Variants in PATJ observed in about 807,000 individuals in gnomAD.
PATJ encodes PATJ crumbs cell polarity complex component, also known as inaD-like protein.
PATJ carries 190 observed loss-of-function variants against 224.9 expected under a neutral mutation model. That is an observed-to-expected ratio of 0.84 (90% confidence interval 0.75 to 0.95). The LOEUF (loss-of-function observed/expected upper bound fraction) is 0.95, where lower values mean the gene tolerates loss of function less well. PATJ is among the 40% of genes least tolerant of loss of function. PATJ has a pLI of 0.00. For synonymous variants in PATJ, 769 were observed against 820.3 expected (o/e 0.94, Z 1.07); for missense variants, 2,121 against 2,270.3 (o/e 0.93, Z 1.34).
intron 17 of PATJ, among the ~76,000 whole-genome samples, chr1:61,854,599 T>A (rs1232871847): frequency 2.6e-5 from 4 of 152,212 alleles, no homozygotes; most frequent in African/African-American, 9.6e-5. Context: ...GGCTGCCTGG[T>A]TGGATTCTGG....
chr1:61,838,360 CT>C (rs1286421381), intron 17 of PATJ, among the ~76,000 whole-genome samples: 149 of 142,756 alleles, frequency 1.0e-3, no homozygotes, highest in Admixed American at 1.4e-3. Flanking sequence ...TACTCTGTTT[CT>C]TTTTTTTTTT....
chr1:62,074,347 TAAAGTA>T (rs1657944400), intron 31 of PATJ, among the ~76,000 whole-genome samples: 1 of 151,644 alleles, frequency 6.6e-6, no homozygotes. Context: ...CCCTAAAACT[TAAAGTA>T]TAATAATAAT....
At chr1:61,884,166 A>G (rs946254266) in intron 21 of PATJ, 71 bp from the exon 22 acceptor site, 1 of 1,190,344 alleles carries the variant, frequency 8.4e-7, no homozygotes, top group Non-Finnish European at 1.2e-6. Context: ...AGGTGCCCAT[A>G]CCTAGTTGTT....
intron 33 of PATJ, among the ~76,000 whole-genome samples, chr1:62,090,754 C>T (rs949732455): frequency 2.6e-5 from 4 of 152,164 alleles, no homozygotes; most frequent in Non-Finnish European, 5.9e-5. Context: ...AGAACTCATC[C>T]TACTCTGTCA....
At chr1:61,925,378 T>C (rs1234650925) in intron 26 of PATJ, among the ~76,000 whole-genome samples, 1 of 152,052 alleles carries the variant, frequency 6.6e-6, no homozygotes, top group Non-Finnish European at 1.5e-5. Context: ...TCCCAACAAA[T>C]AACTCTAAAT....
chr1:61,986,628 C>G (rs1043597940), intron 27 of PATJ, among the ~76,000 whole-genome samples: 10 of 151,790 alleles, frequency 6.6e-5, no homozygotes, highest in Non-Finnish European at 1.3e-4. Flanking sequence ...GCTATGTTGC[C>G]CAGGCTTGTC....
At chr1:62,056,527 C>CA (rs919603025) in intron 31 of PATJ, among the ~76,000 whole-genome samples, 27 of 147,950 alleles carry the variant, frequency 1.8e-4, no homozygotes, top group African/African-American at 5.2e-4. Flanking sequence ...GACCTTATCT[C>CA]AAAAAAAAAA....
intron 14 of PATJ, among the ~76,000 whole-genome samples, chr1:61,819,843 T>C (rs943019388): frequency 1.1e-4 from 16 of 152,254 alleles, no homozygotes; most frequent in African/African-American, 3.9e-4. Context: ...ACCAAGCACT[T>C]CATGTGTCTC....
rs1417916384 is a variant in PATJ, at chr1:62,162,221, C to T, written c.*1167C>T. The T allele has an allele frequency of 6.6e-6, 1 of 152,182 alleles. No homozygotes were observed. Among genetic ancestry groups the T allele is most frequent in the Non-Finnish European group, 1.5e-5 (1 of 68,046 alleles). The allele number at this position is 152,182 out of a possible 1,614,324, so 9.4% of individuals were successfully genotyped here. On this transcript the variant is annotated 3_prime_UTR_variant, in exon 44 of 44. Coordinates refer to ENST00000642238, the MANE Select transcript of PATJ (RefSeq NM_001350145.3). Reference sequence around the variant, plus strand: ...GCATTTCAGTTGGCAGGCATCATTCCCACCCCTCGGTCTTAGGAAAAGGAG... The same window carrying T: ...GCATTTCAGTTGGCAGGCATCATTCTCACCCCTCGGTCTTAGGAAAAGGAG...
intron 28 of PATJ, among the ~76,000 whole-genome samples, chr1:62,008,764 A>G (rs1646252844): frequency 6.6e-6 from 1 of 152,196 alleles, no homozygotes; most frequent in Non-Finnish European, 1.5e-5. Context: ...TAAATAAATA[A>G]ATAAATAAGT....
At chr1:62,099,126 A>T (rs968594704) in intron 33 of PATJ, among the ~76,000 whole-genome samples, 1 of 152,046 alleles carries the variant, frequency 6.6e-6, no homozygotes. Flanking sequence ...CCTCCGCCAT[A>T]TTATCAGCCC....
rs576417118 is a variant in PATJ at position 61,774,004 on chromosome 1, C to T, written c.721-1202C>T. 8.6e-5 allele frequency among the ~76,000 whole-genome samples: 13 copies of T among 150,690 alleles called. No homozygotes were observed. The East Asian group carries it at 2.4e-3, about 27-fold the overall frequency. On this transcript the variant is annotated intron_variant, in intron 6 of 43. Coordinates refer to ENST00000642238, the MANE Select transcript of PATJ (RefSeq NM_001350145.3). ...GCGTGGTGGCAGGTACCTGTAGTCCCAGCTACTCGGGAGGCTGAGGCAGGA... is the reference window on the plus strand; with the variant it reads ...GCGTGGTGGCAGGTACCTGTAGTCCTAGCTACTCGGGAGGCTGAGGCAGGA...
At chr1:61,822,220 A>T (rs1255618625) in intron 14 of PATJ, among the ~76,000 whole-genome samples, 1 of 152,000 alleles carries the variant, frequency 6.6e-6, no homozygotes, top group African/African-American at 2.4e-5. Context: ...CAGTCAAGAG[A>T]CTAGGAATTC....
At chr1:61,841,053 A>ATAT (rs1197111289) in intron 17 of PATJ, among the ~76,000 whole-genome samples, 3 of 152,158 alleles carry the variant, frequency 2.0e-5, no homozygotes, top group Non-Finnish European at 4.4e-5. Flanking sequence ...TCAACTTTAT[A>ATAT]TATGGCGGTA....
At chr1:62,061,272 C>T (rs771991797) in intron 31 of PATJ, among the ~76,000 whole-genome samples, 2 of 152,178 alleles carry the variant, frequency 1.3e-5, no homozygotes, top group Non-Finnish European at 2.9e-5. Context: ...ATCTCTACCT[C>T]CCAGGTTCAA....
chr1:61,977,361 A>AT (rs1229618042), intron 27 of PATJ, among the ~76,000 whole-genome samples: 11 of 152,102 alleles, frequency 7.2e-5, no homozygotes, highest in Non-Finnish European at 1.5e-4. Context: ...AAGTACTGGG[A>AT]TTACAGGCGT....
chr1:62,123,845 A>G (rs1235124860), intron 39 of PATJ, among the ~76,000 whole-genome samples: 1 of 151,328 alleles, frequency 6.6e-6, no homozygotes, highest in African/African-American at 2.4e-5. Flanking sequence ...AATTTTTGCT[A>G]TCTTTTATAG....
chr1:61,857,990 T>G (rs550728073), intron 18 of PATJ, among the ~76,000 whole-genome samples: 1 of 152,322 alleles, frequency 6.6e-6, no homozygotes, highest in East Asian at 1.9e-4. Flanking sequence ...TATGTATAGA[T>G]AGATGGATAG....
chr1:62,091,805 C>A (rs1045605181), intron 33 of PATJ, among the ~76,000 whole-genome samples: 60 of 152,120 alleles, frequency 3.9e-4, no homozygotes, highest in Admixed American at 3.1e-3. Context: ...CCTGTAATCC[C>A]AGCACTTTGG....
Sources: allele counts gnomAD v4.1 joint callset (sites outside exome capture counted in the v4.1 genomes callset), GRCh38; gene constraint gnomAD v4.1.1; transcripts MANE v1.5; gene names NCBI Gene and HGNC (gene_info 2026-07-23, HGNC 2026-07-21).